Variants in KREMEN1 observed in about 807,000 individuals in gnomAD.
The protein encoded by KREMEN1 is kremen protein 1.
A neutral mutation model predicts 46.5 loss-of-function variants in KREMEN1; 30 were observed. That is an observed-to-expected ratio of 0.65 (90% CI 0.48 to 0.88). The LOEUF (loss-of-function observed/expected upper bound fraction) is 0.88. Ranked by LOEUF, KREMEN1 falls within the 40% of genes least tolerant of loss-of-function variation. The pLI is 0.00. For synonymous variants in KREMEN1, 214 were observed against 230.6 expected, an observed-to-expected ratio of 0.93 and a Z score of 0.65; for missense variants, 533 against 596.9, an observed-to-expected ratio of 0.89 and a Z score of 1.11.
chr22:29,119,193 T>TA (rs1410536231), intron 3 of KREMEN1, among the ~76,000 whole-genome samples: 2 of 151,854 alleles, frequency 1.3e-5, no homozygotes, highest in Non-Finnish European at 2.9e-5. Context: ...ATTCAATAGT[T>TA]AAAAAAATAA....
intron 3 of KREMEN1, among the ~76,000 whole-genome samples, chr22:29,108,077 C>T (rs765624372): frequency 4.6e-5 from 7 of 152,190 alleles, no homozygotes; most frequent in East Asian, 3.9e-4. Flanking sequence ...CTTGAGCCCA[C>T]GAGTTCAACG....
At chr22:29,132,859 T>C (rs1053996484) in intron 5 of KREMEN1, among the ~76,000 whole-genome samples, 12 of 152,242 alleles carry the variant, frequency 7.9e-5, no homozygotes, top group Non-Finnish European at 1.0e-4. Flanking sequence ...TTGGTCCATA[T>C]TCTTGTGACT....
intron 1 of KREMEN1, among the ~76,000 whole-genome samples, chr22:29,092,642 C>A (rs151230062): frequency 1.4e-4 from 22 of 152,280 alleles, no homozygotes; most frequent in African/African-American, 5.3e-4. Context: ...CGAAGAGTTG[C>A]ACTTATCATA....
At chr22:29,083,102 T>G (rs134622) in intron 1 of KREMEN1, among the ~76,000 whole-genome samples, 111,030 of 152,056 alleles carry the variant, frequency 0.73, 40,948 homozygotes, top group Middle Eastern at 0.84. Context: ...TAGAGACAGC[T>G]TTTCGCTATG....
In KREMEN1 at chr22:29,121,443, C is replaced by T; in HGVS notation, c.439C>T (p.Gln147Ter). ...TSKTSNKLTI[Q>*]TCISFCRSQR... The stretch of plus-strand genomic sequence containing the variant: ...TAAAACGTCCAACAAACTCACCATA[C>T]AAACTTGCATCAGTTTTTGTCGGAG... The change falls in exon 4 of 9, where the codon CAA (glutamine) becomes TAA (stop). Residue 147 changes from glutamine (Q) to a stop codon, truncating the protein, a stop_gained. Coordinates refer to ENST00000400335, the MANE Select transcript of KREMEN1 (RefSeq NM_001039570.3). LOFTEE classifies it high-confidence loss of function. 6.2e-7 allele frequency: 1 copy of T among 1,614,130 alleles called. No individual in the cohort carries two copies. Among genetic ancestry groups the T allele is most frequent in the Non-Finnish European group, 8.5e-7 (1 of 1,179,976 alleles).
intron 1 of KREMEN1, among the ~76,000 whole-genome samples, chr22:29,085,177 A>G (rs2037710292): frequency 6.6e-6 from 1 of 152,250 alleles, no homozygotes; most frequent in African/African-American, 2.4e-5. Flanking sequence ...TCAAAATAAC[A>G]TGTTGGTAAC....
In KREMEN1 at chr22:29,137,439, C is replaced by T; in HGVS notation, c.729C>T (p.Tyr243=). ...PDTYATGRVC[Y]WTIRVPGASH... is the part of the protein sequence containing the mutation. Reference sequence around the variant, plus strand: ...CCTATGCCACGGGGAGGGTCTGCTACTGGACCATCCGGGTTCCGGGGGCCT... The same window carrying T: ...CCTATGCCACGGGGAGGGTCTGCTATTGGACCATCCGGGTTCCGGGGGCCT... Residue 243 remains tyrosine (Y), a synonymous_variant, in exon 6 of 9, where the codon TAC becomes TAT. Transcript: ENST00000400335. The T allele has an allele frequency of 6.3e-7, 1 of 1,599,986 alleles. No individual in the cohort carries two copies. The highest frequency in any genetic ancestry group is 8.6e-7 in the Non-Finnish European group (1 of 1,168,438).
intron 4 of KREMEN1, among the ~76,000 whole-genome samples, chr22:29,123,939 A>T (rs956790877): frequency 2.0e-5 from 3 of 152,354 alleles, no homozygotes; most frequent in South Asian, 4.1e-4. Context: ...AGTGCTGACA[A>T]GGATACAGAG....
At chr22:29,161,376 A>G (rs7284229) in intron 9 of KREMEN1, among the ~76,000 whole-genome samples, 24,262 of 151,658 alleles carry the variant, frequency 0.16, 2,422 homozygotes, top group African/African-American at 0.28. Context: ...GCGTGGTGGC[A>G]GGCGCCTGTA....
At chr22:29,124,685 G>A (rs992317502) in intron 4 of KREMEN1, among the ~76,000 whole-genome samples, 1 of 151,982 alleles carries the variant, frequency 6.6e-6, no homozygotes, top group Admixed American at 6.6e-5. Context: ...TAGAGACGGG[G>A]TTTCACTTTG....
chr22:29,160,510 A>G (rs909139942), intron 9 of KREMEN1, among the ~76,000 whole-genome samples: 1 of 146,786 alleles, frequency 6.8e-6, no homozygotes, highest in African/African-American at 2.5e-5. Flanking sequence ...ACTGCACTCC[A>G]GCCTGGGTGA....
chr22:29,083,830 C>CA (rs1033661304), intron 1 of KREMEN1, among the ~76,000 whole-genome samples: 1,435 of 133,764 alleles, frequency 0.011, 17 homozygotes, highest in African/African-American at 0.036. Context: ...AGACTCATCT[C>CA]AAAAAAAAAA....
At chr22:29,118,634 C>A (rs147400217) in intron 3 of KREMEN1, among the ~76,000 whole-genome samples, 1 of 152,046 alleles carries the variant, frequency 6.6e-6, no homozygotes, top group South Asian at 2.1e-4. Context: ...GCAGTGATTC[C>A]ATCATGGGGG....
intron 5 of KREMEN1, among the ~76,000 whole-genome samples, chr22:29,126,652 G>A (rs2038448919): frequency 6.6e-6 from 1 of 152,148 alleles, no homozygotes; most frequent in Admixed American, 6.6e-5. Flanking sequence ...CTTTCTAGGG[G>A]ACACAATTCA....
rs16987166 is a variant in KREMEN1, at chr22:29,145,146, G to A, written c.*3034G>A. On this transcript the variant is annotated 3_prime_UTR_variant, in exon 9 of 9. Transcript: ENST00000400335. ...ACCCCACAGAAGGCCACTGCGGCTA[G>A]GTAAACACCTGAGAAAGAAACTGCT... 1.1e-3 allele frequency: 1,092 copies of A among 986,112 alleles called. 6 individuals are homozygous for A. The African/African-American group carries it at 0.017, about 16-fold the overall frequency. The allele number at this position is 986,112 out of a possible 1,614,324, so 61.1% of individuals were successfully genotyped here.
At chr22:29,131,710 GTA>G in intron 5 of KREMEN1, among the ~76,000 whole-genome samples, 1 of 125,436 alleles carries the variant, frequency 8.0e-6, no homozygotes, top group African/African-American at 3.5e-5. Flanking sequence ...GTATATATAT[GTA>G]TATATGTATA....
chr22:29,164,386 C>T (rs905289443), intron 9 of KREMEN1, among the ~76,000 whole-genome samples: 3 of 152,170 alleles, frequency 2.0e-5, no homozygotes, highest in Admixed American at 6.5e-5. Flanking sequence ...TTAGTAACAG[C>T]GCCTTGCTAT....
rs370591756 is a variant in KREMEN1, at chr22:29,143,690, A to T, written c.*1578A>T. On this transcript the variant is annotated 3_prime_UTR_variant, in exon 9 of 9. Transcript: ENST00000400335. Reference sequence around the variant, plus strand: ...CCGGGAGGCGGAGCTTGCAGTGAGCAGAGATCACGCCACTGCACTCCAGCC... The same window carrying T: ...CCGGGAGGCGGAGCTTGCAGTGAGCTGAGATCACGCCACTGCACTCCAGCC... The T allele has an allele frequency of 1.0e-5, 9 of 897,312 alleles. No individual in the cohort carries two copies. The East Asian group carries it at 7.2e-4, about 72-fold the overall frequency. The allele number at this position is 897,312 out of a possible 1,614,324, so 55.6% of individuals were successfully genotyped here. A position where few individuals can be genotyped will look rare whatever the true frequency, so the allele number is the denominator to read the frequency against.
intron 1 of KREMEN1, among the ~76,000 whole-genome samples, chr22:29,074,531 G>A (rs145889217): frequency 6.6e-6 from 1 of 152,326 alleles, no homozygotes; most frequent in Non-Finnish European, 1.5e-5. Context: ...TGGAAGAGAA[G>A]GCAAGAGGGC....
Sources: gnomAD v4.1 joint callset for allele counts (sites outside exome capture counted in the v4.1 genomes callset) on GRCh38, gnomAD v4.1.1 for gene constraint, MANE v1.5 for transcripts, NCBI Gene and HGNC (gene_info 2026-07-23, HGNC 2026-07-21) for gene names.